The following CLCN3 variants were observed in gnomAD, a reference collection of about 807,000 sequenced individuals.
The protein encoded by CLCN3 is H(+)/Cl(-) exchange transporter 3.
Under a neutral mutation model 83.4 loss-of-function variants are expected in CLCN3, and 16 were observed. The observed-to-expected ratio is 0.19, with a 90% CI of 0.13 to 0.29. The LOEUF (loss-of-function observed/expected upper bound fraction) is 0.29. Ranked by LOEUF, CLCN3 falls within the 10% of genes least tolerant of loss-of-function variation. The pLI is 1.00. For missense variants in CLCN3, 544 were observed against 1,006.0 expected (o/e 0.54, Z 6.21); for synonymous variants, 322 against 346.2 (o/e 0.93, Z 0.78).
intron 2 of CLCN3, among the ~76,000 whole-genome samples, chr4:169,648,999 C>T (rs1047357284): frequency 6.8e-6 from 1 of 146,984 alleles, no homozygotes; most frequent in African/African-American, 2.5e-5. Flanking sequence ...TGTATTCCAG[C>T]CTGGGTGATA....
chr4:169,708,463 T>C (rs1206941622), intron 11 of CLCN3, among the ~76,000 whole-genome samples: 2 of 152,162 alleles, frequency 1.3e-5, no homozygotes, highest in African/African-American at 4.8e-5. Context: ...GCTGATGACA[T>C]AGTATTTTGT....
chr4:169,665,972 G>C (rs182154954), intron 2 of CLCN3, among the ~76,000 whole-genome samples: 3 of 148,432 alleles, frequency 2.0e-5, no homozygotes, highest in Admixed American at 2.0e-4. Flanking sequence ...AGCAATTAAG[G>C]TTGTGTTGTT....
At chr4:169,698,590 C>T (rs1732658310) in intron 9 of CLCN3, among the ~76,000 whole-genome samples, 1 of 152,138 alleles carries the variant, frequency 6.6e-6, no homozygotes, top group Non-Finnish European at 1.5e-5. Context: ...GAGGCCCGAC[C>T]ACATTCAGAG....
intron 12 of CLCN3, among the ~76,000 whole-genome samples, chr4:169,714,173 C>A (rs1236072719): frequency 2.0e-5 from 3 of 151,950 alleles, no homozygotes; most frequent in African/African-American, 7.2e-5. Flanking sequence ...TATCCGAAGG[C>A]AAATACCAAA....
chr4:169,632,198 TGA>T (rs1773389244), intron 1 of CLCN3, among the ~76,000 whole-genome samples: 1 of 113,794 alleles, frequency 8.8e-6, no homozygotes, highest in Non-Finnish European at 2.0e-5. Context: ...GAAGAGGGTA[TGA>T]TCCAGGCAGA....
chr4:169,693,771 TG>T (rs1732458459), intron 7 of CLCN3, among the ~76,000 whole-genome samples: 5 of 152,344 alleles, frequency 3.3e-5, no homozygotes, highest in Admixed American at 2.6e-4. Flanking sequence ...GTTCAAAAAA[TG>T]TAATTTATTA....
intron 7 of CLCN3, among the ~76,000 whole-genome samples, chr4:169,694,388 T>C (rs1422452022): frequency 1.4e-4 from 21 of 152,218 alleles, no homozygotes; most frequent in Non-Finnish European, 2.4e-4. Context: ...GAGCCATGAT[T>C]TCAACACAGC....
chr4:169,621,114 T>A (rs1359972257), intron 1 of CLCN3, 51 bp downstream of exon 1: 3 of 394,220 alleles, frequency 7.6e-6, no homozygotes, highest in African/African-American at 6.2e-5. Flanking sequence ...GTTCACAGAT[T>A]TTGGGTCAAC....
chr4:169,680,008 T>C (rs753798487), intron 2 of CLCN3, 42 bp from the exon 3 acceptor site: 1 of 1,486,952 alleles, frequency 6.7e-7, no homozygotes, highest in South Asian at 1.1e-5. Flanking sequence ...CTCACTGTTG[T>C]CTCTTCTAAA....
intron 7 of CLCN3, among the ~76,000 whole-genome samples, chr4:169,695,285 C>A (rs1277673827): frequency 2.6e-5 from 4 of 152,064 alleles, no homozygotes; most frequent in Non-Finnish European, 5.9e-5. Flanking sequence ...CAGTTACTGC[C>A]CTCCCCTCTT....
intron 2 of CLCN3, among the ~76,000 whole-genome samples, chr4:169,645,627 C>T (rs1730552405): frequency 6.6e-6 from 1 of 152,088 alleles, no homozygotes; most frequent in Non-Finnish European, 1.5e-5. Context: ...TGTACTATTG[C>T]CCTGGCCCTT....
rs375957253 is a variant in CLCN3 at position 169,704,075 on chromosome 4, G to A, written c.1641G>A (p.Gln547=). 3 of 1,614,090 alleles carry A rather than the reference G, an allele frequency of 1.9e-6. No homozygotes were observed. Among genetic ancestry groups the A allele is most frequent in the East Asian group, 2.2e-5 (1 of 44,880 alleles). Residue 547 remains glutamine (Q), a synonymous_variant, in exon 10 of 13, where the codon CAG becomes CAA. Transcript: ENST00000513761. ...AGRIVGIAVE[Q]LAYYHHDWFI... is the part of the protein sequence containing the mutation. ...GGATTGTGGGGATTGCGGTGGAGCA[G>A]CTTGCCTACTATCACCACGACTGGT...
chr4:169,677,857 T>C (rs1215360505), intron 2 of CLCN3, among the ~76,000 whole-genome samples: 9 of 152,338 alleles, frequency 5.9e-5, no homozygotes, highest in Non-Finnish European at 1.3e-4. Context: ...ATGTGTTAGC[T>C]TGAGCTTATT....
rs1332515414 is a variant in CLCN3 at position 169,721,176 on chromosome 4, CTTA to C, written c.*1182_*1184del. 6.6e-6 allele frequency: 1 copy of C among 152,010 alleles called. No individual in the cohort carries two copies. Among genetic ancestry groups the C allele is most frequent in the Non-Finnish European group, 1.5e-5 (1 of 67,998 alleles). 9.4% of individuals were successfully genotyped at this position (152,010 alleles called of 1,614,324 possible). A position where few individuals can be genotyped will look rare whatever the true frequency, so the allele number is the denominator to read the frequency against. On this transcript the variant is annotated 3_prime_UTR_variant, in exon 13 of 13. Coordinates refer to ENST00000513761, the MANE Select transcript of CLCN3 (RefSeq NM_001829.4). ...TTTTTTTTCTTAAAAATTTACCATT[CTTA>C]TTTATATTTTTATGGATTAAAATTT...
intron 1 of CLCN3, among the ~76,000 whole-genome samples, chr4:169,632,533 TG>T (rs1030054720): frequency 8.6e-5 from 13 of 151,744 alleles, no homozygotes; most frequent in African/African-American, 2.9e-4. Context: ...ATTGAGACCA[TG>T]GTGAAACCCC....
Position 169,679,769 on chromosome 4 carries a change from A to G in CLCN3, c.161-281A>G, listed in dbSNP as rs1245423693. Reference sequence around the variant, plus strand: ...GTCAGGCGTGGCGGCGCGTGCCTGCAATCCCAGGCACTCGGCAGGCTGAGG... The same window carrying G: ...GTCAGGCGTGGCGGCGCGTGCCTGCGATCCCAGGCACTCGGCAGGCTGAGG... On this transcript the variant is annotated intron_variant, in intron 2 of 12. Transcript: ENST00000513761. Among the ~76,000 whole-genome samples the G allele has an allele frequency of 5.3e-5, 8 of 152,178 alleles. No homozygotes were observed. The East Asian group carries it at 1.5e-3, about 29-fold the overall frequency.
chr4:169,651,426 T>C (rs927368852), intron 2 of CLCN3, among the ~76,000 whole-genome samples: 2 of 152,142 alleles, frequency 1.3e-5, no homozygotes, highest in African/African-American at 4.8e-5. Context: ...AATCATAAGC[T>C]GAAGCAAATA....
intron 2 of CLCN3, among the ~76,000 whole-genome samples, chr4:169,653,342 A>G (rs1472025145): frequency 6.6e-6 from 1 of 152,072 alleles, no homozygotes; most frequent in African/African-American, 2.4e-5. Flanking sequence ...CGGACAATTT[A>G]TAAAGAAAAG....
chr4:169,690,409 T>G, intron 5 of CLCN3, 121 bp from the exon 6 acceptor site: 1 of 994,244 alleles, frequency 1.0e-6, no homozygotes, highest in Non-Finnish European at 1.5e-6. Context: ...ACCTCCCCAG[T>G]GCTGGGATTA....
Sources: gnomAD v4.1 joint callset for allele counts (sites outside exome capture counted in the v4.1 genomes callset) on GRCh38, gnomAD v4.1.1 for gene constraint, MANE v1.5 for transcripts, NCBI Gene and HGNC (gene_info 2026-07-23, HGNC 2026-07-21) for gene names.